Variants in IFT122 observed in about 807,000 individuals in gnomAD.
The protein encoded by IFT122 is intraflagellar transport protein 122 homolog.
In IFT122, 118 loss-of-function variants were observed where a neutral mutation model predicts 161.6. The ratio of observed to expected loss-of-function variants is 0.73; its 90% CI spans 0.63 to 0.85. The LOEUF is 0.85. Ranked by LOEUF, IFT122 falls within the 40% of genes least tolerant of loss-of-function variation. The pLI is 0.00. For missense variants in IFT122, 1,381 were observed against 1,579.6 expected (o/e 0.87, Z 2.13); for synonymous variants, 550 against 602.4 (o/e 0.91, Z 1.27).
At chr3:129,483,423 G>A (rs560293728) in intron 14 of IFT122, 62 bp from the exon 15 acceptor site, 26 of 1,410,112 alleles carry the variant, frequency 1.8e-5, no homozygotes, top group Non-Finnish European at 2.3e-5. Flanking sequence ...GGGCTGAAAT[G>A]TGTGAGCGCT....
intron 1 of IFT122, among the ~76,000 whole-genome samples, chr3:129,444,017 G>T (rs1283048995): frequency 1.3e-5 from 2 of 152,206 alleles, no homozygotes; most frequent in Non-Finnish European, 2.9e-5. Context: ...GATGACTTTA[G>T]ATGAGAGGTG....
intron 19 of IFT122, among the ~76,000 whole-genome samples, chr3:129,501,576 G>A (rs2081552266): frequency 6.6e-6 from 1 of 152,186 alleles, no homozygotes; most frequent in South Asian, 2.1e-4. Flanking sequence ...CAGATTTAGG[G>A]TGCTCTGTTC....
At position 129,503,885 on chromosome 3, in the gene IFT122, C is replaced by T. The variant is rs117212537; in HGVS notation, c.2548-434C>T. ...GTGGTTCTGGGGCTTAGGTGAGAAG[C>T]AGTCAGTGGGTCCATACAGCACGAA... On this transcript the variant is annotated intron_variant, in intron 20 of 29. Transcript: ENST00000348417. The T allele has an allele frequency of 4.3e-3, 1,166 of 273,102 alleles. 62 individuals are homozygous for T. The East Asian group carries it at 0.094, about 22-fold the overall frequency. 16.9% of individuals were successfully genotyped at this position (273,102 alleles called of 1,614,324 possible). A position where few individuals can be genotyped will look rare whatever the true frequency, so the allele number is the denominator to read the frequency against.
intron 29 of IFT122, 90 bp from the exon 30 acceptor site, chr3:129,520,086 C>G (rs541412910): frequency 9.3e-7 from 1 of 1,072,956 alleles, no homozygotes; most frequent in African/African-American, 1.5e-5. Flanking sequence ...GCCAAGCCCC[C>G]TCCCCTTGAG....
intron 9 of IFT122, among the ~76,000 whole-genome samples, chr3:129,469,738 T>C (rs1001907785): frequency 2.0e-5 from 3 of 152,216 alleles, no homozygotes; most frequent in Non-Finnish European, 4.4e-5. Flanking sequence ...TGGTTTGACT[T>C]TAAAATCTAG....
At chr3:129,501,553 G>GA (rs1166034599) in intron 19 of IFT122, among the ~76,000 whole-genome samples, 1 of 152,206 alleles carries the variant, frequency 6.6e-6, no homozygotes, top group East Asian at 1.9e-4. Context: ...GGTTCATATA[G>GA]AAGAGAGCCA....
intron 26 of IFT122, among the ~76,000 whole-genome samples, chr3:129,516,724 ACAGAGAGACTGCCCCTG>A (rs2083798771): frequency 5.1e-5 from 5 of 97,520 alleles, no homozygotes; most frequent in African/African-American, 2.3e-4. Flanking sequence ...ACACACACAC[ACAGAGAGACTGCCCCTG>A]CACACACACA....
intron 3 of IFT122, among the ~76,000 whole-genome samples, chr3:129,454,513 T>TTGTGTGTGTGTG (rs61557048): frequency 0.013 from 1,645 of 131,170 alleles, 43 homozygotes; most frequent in African/African-American, 0.037. Flanking sequence ...GTAGTCATAT[T>TTGTGTGTGTGTG]TGTGTGTGTG....
At chr3:129,506,947 A>G (rs1376822093) in intron 22 of IFT122, among the ~76,000 whole-genome samples, 1 of 152,240 alleles carries the variant, frequency 6.6e-6, no homozygotes, top group Non-Finnish European at 1.5e-5. Context: ...AACAGTTTCA[A>G]TATTGCTTTC....
intron 15 of IFT122, among the ~76,000 whole-genome samples, chr3:129,486,579 G>A (rs1472242476): frequency 6.6e-6 from 1 of 152,172 alleles, no homozygotes; most frequent in African/African-American, 2.4e-5. Context: ...GGTGAAACTT[G>A]ATCTGAGCCC....
At chr3:129,465,144 TGTGTGTGTGTGTGTGTGG>T (rs1370493100) in intron 7 of IFT122, among the ~76,000 whole-genome samples, 1 of 139,146 alleles carries the variant, frequency 7.2e-6, no homozygotes, top group African/African-American at 2.8e-5. Flanking sequence ...TGTGTGTGTG[TGTGTGTGTGTGTGTGTGG>T]TGTGTGAGTG....
chr3:129,516,344 GCA>G (rs1243837072), intron 26 of IFT122, among the ~76,000 whole-genome samples: 1 of 79,956 alleles, frequency 1.3e-5, no homozygotes. Context: ...GACTGCCCCT[GCA>G]CACACACACA....
intron 11 of IFT122, 41 bp from the exon 12 acceptor site, chr3:129,477,975 A>G (rs767741220): frequency 2.6e-6 from 4 of 1,557,426 alleles, no homozygotes; most frequent in Non-Finnish European, 3.5e-6. Context: ...CACCTTACAT[A>G]ACAACCTCTT....
chr3:129,463,342 AAC>A (rs961381569), intron 5 of IFT122: 5 of 513,198 alleles, frequency 9.7e-6, no homozygotes, highest in African/African-American at 1.9e-5. Context: ...AAACCCTGGT[AAC>A]CACAAATCTG....
At chr3:129,452,326 A>C (rs531010382) in intron 3 of IFT122, 3 of 345,184 alleles carry the variant, frequency 8.7e-6, no homozygotes, top group African/African-American at 6.4e-5. Flanking sequence ...AAACATAGTA[A>C]AAAGGTAAAT....
chr3:129,441,057 G>A (rs749656155), intron 1 of IFT122, among the ~76,000 whole-genome samples: 2 of 152,204 alleles, frequency 1.3e-5, no homozygotes, highest in Non-Finnish European at 2.9e-5. Flanking sequence ...AAAAAGAACT[G>A]AAGGGGAATG....
At chr3:129,458,944 C>T (rs2075843297) in intron 4 of IFT122, among the ~76,000 whole-genome samples, 1 of 152,178 alleles carries the variant, frequency 6.6e-6, no homozygotes, top group Non-Finnish European at 1.5e-5. Flanking sequence ...CTTTATCCCA[C>T]CCCCAACCTG....
chr3:129,481,719 G>C, intron 14 of IFT122, 25 bp downstream of exon 14: 1 of 1,612,430 alleles, frequency 6.2e-7, no homozygotes, highest in Non-Finnish European at 8.5e-7. Flanking sequence ...GGGGCCCAGG[G>C]ACATCATCCT....
chr3:129,495,699 C>G, intron 18 of IFT122, 92 bp downstream of exon 18: 1 of 1,396,128 alleles, frequency 7.2e-7, no homozygotes, highest in Middle Eastern at 2.1e-4. Context: ...AAGAGTGCTG[C>G]GGACAAAAAC....
Sources: gnomAD v4.1 joint callset for allele counts (sites outside exome capture counted in the v4.1 genomes callset) on GRCh38, gnomAD v4.1.1 for gene constraint, MANE v1.5 for transcripts, NCBI Gene and HGNC (gene_info 2026-07-23, HGNC 2026-07-21) for gene names.